The following CMSS1 variants were observed in gnomAD, a reference collection of about 807,000 sequenced individuals.
CMSS1 encodes protein CMSS1.
CMSS1 carries 33 observed loss-of-function variants against 43.5 expected under a neutral mutation model. The ratio of observed to expected loss-of-function variants is 0.76; its 90% CI spans 0.57 to 1.01. The LOEUF (loss-of-function observed/expected upper bound fraction) is 1.01. Ranked by LOEUF, CMSS1 falls within the 50% of genes least tolerant of loss-of-function variation. The pLI is 0.00. For missense variants in CMSS1, 313 were observed against 326.4 expected (o/e 0.96, Z 0.32); for synonymous variants, 115 against 117.2 (o/e 0.98, Z 0.12).
intron 1 of CMSS1, among the ~76,000 whole-genome samples, chr3:100,019,013 A>C (rs1328408624): frequency 1.3e-5 from 2 of 152,226 alleles, no homozygotes; most frequent in African/African-American, 4.8e-5. Flanking sequence ...CACAGCTGTT[A>C]GAATGACTGT....
At chr3:100,009,232 C>T (rs542036986) in intron 1 of CMSS1, among the ~76,000 whole-genome samples, 9 of 152,142 alleles carry the variant, frequency 5.9e-5, no homozygotes, top group Non-Finnish European at 1.0e-4. Flanking sequence ...TTTTAACCTA[C>T]GGTATTATCA....
intron 1 of CMSS1, among the ~76,000 whole-genome samples, chr3:100,021,915 TTGTGTGTGTGTGTGTGTGTGTG>T (rs61704772): frequency 2.8e-5 from 3 of 105,958 alleles, no homozygotes; most frequent in South Asian, 3.7e-4. Flanking sequence ...CTAGATCCCA[TTGTGTGTGTGTGTGTGTGTGTG>T]TGTGTGTGTG....
At chr3:99,854,532 A>G (rs977408788) in intron 1 of CMSS1, among the ~76,000 whole-genome samples, 4 of 152,132 alleles carry the variant, frequency 2.6e-5, no homozygotes, top group Non-Finnish European at 5.9e-5. Context: ...TACAGGGATA[A>G]TCTATGCCAG....
intron 1 of CMSS1, among the ~76,000 whole-genome samples, chr3:100,035,073 G>A (rs2065083960): frequency 6.6e-6 from 1 of 152,052 alleles, no homozygotes; most frequent in Admixed American, 6.5e-5. Context: ...TTATTTTTTA[G>A]GGTTGATCTG....
chr3:100,169,146 G>A (rs1280613288), intron 6 of CMSS1, among the ~76,000 whole-genome samples: 1 of 152,158 alleles, frequency 6.6e-6, no homozygotes, highest in African/African-American at 2.4e-5. Context: ...GAAAAATAAA[G>A]TTGGATTCAT....
intron 1 of CMSS1, among the ~76,000 whole-genome samples, chr3:100,143,068 C>G (rs781633453): frequency 8.5e-5 from 13 of 152,250 alleles, no homozygotes; most frequent in Middle Eastern, 3.4e-3. Flanking sequence ...AACATAGTTT[C>G]CCTTAAGGAT....
chr3:100,108,005 A>G (rs1041321667), intron 1 of CMSS1, among the ~76,000 whole-genome samples: 2 of 151,988 alleles, frequency 1.3e-5, no homozygotes, highest in Non-Finnish European at 2.9e-5. Flanking sequence ...ATTTTCTGGG[A>G]TTTTTCTTAA....
chr3:100,088,243 G>A (rs1375274718), intron 1 of CMSS1, among the ~76,000 whole-genome samples: 1 of 152,034 alleles, frequency 6.6e-6, no homozygotes. Flanking sequence ...GTGTCCCTTG[G>A]ACATCCCTTA....
At chr3:99,924,400 T>C in intron 1 of CMSS1, 1 of 1,613,936 alleles carries the variant, frequency 6.2e-7, no homozygotes, top group Non-Finnish European at 8.5e-7. Context: ...TTTCCACAAC[T>C]TTGTCCAACT....
At chr3:99,914,709 A>G (rs547944090) in intron 1 of CMSS1, among the ~76,000 whole-genome samples, 27 of 152,260 alleles carry the variant, frequency 1.8e-4, no homozygotes, top group Non-Finnish European at 3.5e-4. Context: ...GCAATTTCAC[A>G]TATAAGAATT....
At chr3:100,001,554 C>T (rs935481521) in intron 1 of CMSS1, among the ~76,000 whole-genome samples, 1 of 152,068 alleles carries the variant, frequency 6.6e-6, no homozygotes, top group Non-Finnish European at 1.5e-5. Context: ...GATTGCTTTT[C>T]GTAGGAAGAA....
chr3:99,899,725 G>A (rs1220088694), intron 1 of CMSS1, among the ~76,000 whole-genome samples: 1 of 152,112 alleles, frequency 6.6e-6, no homozygotes, highest in African/African-American at 2.4e-5. Context: ...CACCTTCAGG[G>A]CATCTTTTCT....
At chr3:99,896,086 T>C (rs1357354923) in intron 1 of CMSS1, among the ~76,000 whole-genome samples, 1 of 151,952 alleles carries the variant, frequency 6.6e-6, no homozygotes, top group Non-Finnish European at 1.5e-5. Context: ...TCTTCACATA[T>C]GTGGAATAAA....
At chr3:99,832,476 C>T (rs1942708416) in intron 1 of CMSS1, among the ~76,000 whole-genome samples, 2 of 148,010 alleles carry the variant, frequency 1.4e-5, no homozygotes, top group Admixed American at 6.7e-5. Context: ...ATGATCCGCC[C>T]GCCTTGGCCT....
At position 100,066,517 on chromosome 3, in the gene CMSS1, CTTTTTTTTTTTTTT is replaced by C. The variant is rs545356638; in HGVS notation, c.65-80437_65-80424del. ...AAGGATGATGTGGAAGGCTTTGCTT[CTTTTTTTTTTTTTT>C]TTTTTTTTTTTTTTTTTTGAGACGG... On this transcript the variant is annotated intron_variant, in intron 1 of 9. Coordinates refer to ENST00000421999, the MANE Select transcript of CMSS1 (RefSeq NM_032359.4). 1.9e-3 allele frequency among the ~76,000 whole-genome samples: 74 copies of C among 38,330 alleles called. 11 individuals carry two copies. The highest frequency in any genetic ancestry group is 0.056 in the Middle Eastern group (2 of 36). 25.1% of individuals were successfully genotyped at this position (38,330 alleles called of 152,430 possible).
At chr3:100,158,032 C>G (rs1410051149) in intron 2 of CMSS1, among the ~76,000 whole-genome samples, 1 of 152,146 alleles carries the variant, frequency 6.6e-6, no homozygotes, top group East Asian at 1.9e-4. Context: ...CTATCCAGCT[C>G]CAGCCACTTT....
At chr3:99,935,265 C>CAA (rs34961153) in intron 1 of CMSS1, among the ~76,000 whole-genome samples, 237 of 143,862 alleles carry the variant, frequency 1.6e-3, no homozygotes, top group South Asian at 3.3e-3. Flanking sequence ...TTCAGGGTAC[C>CAA]AAAAAAAAAA....
chr3:99,930,852 G>C (rs369213838), intron 1 of CMSS1: 1 of 1,612,966 alleles, frequency 6.2e-7, no homozygotes, highest in Non-Finnish European at 8.5e-7. Context: ...TTACCACTGT[G>C]TGGCTTCTCT....
intron 1 of CMSS1, among the ~76,000 whole-genome samples, chr3:99,991,920 A>G (rs1274201808): frequency 6.7e-6 from 1 of 149,314 alleles, no homozygotes; most frequent in African/African-American, 2.5e-5. Flanking sequence ...ATATAGGTAT[A>G]TATACACACA....
Sources: allele counts gnomAD v4.1 joint callset (sites outside exome capture counted in the v4.1 genomes callset), GRCh38; gene constraint gnomAD v4.1.1; transcripts MANE v1.5; gene names NCBI Gene and HGNC (gene_info 2026-07-23, HGNC 2026-07-21).